Variants in RFC2 observed in about 807,000 individuals in gnomAD.
RFC2 encodes the protein A1 40 kDa subunit.
Under a neutral mutation model 44.8 loss-of-function variants are expected in RFC2, and 34 were observed. The ratio of observed to expected loss-of-function variants is 0.76; its 90% CI spans 0.58 to 1.01. The LOEUF (loss-of-function observed/expected upper bound fraction) is 1.01, where lower values mean the gene tolerates loss of function less well. RFC2 is among the 50% of genes least tolerant of loss of function. The pLI is 0.00. For synonymous variants in RFC2, 177 were observed against 168.9 expected (o/e 1.05, Z -0.37); for missense variants, 400 against 453.6 (o/e 0.88, Z 1.07).
At chr7:74,244,899 G>T (rs1803515045) in intron 5 of RFC2, among the ~76,000 whole-genome samples, 1 of 151,918 alleles carries the variant, frequency 6.6e-6, no homozygotes, top group Non-Finnish European at 1.5e-5. Context: ...GGAGTTCAAG[G>T]TTGCAGTGAG....
rs1368045992 is a variant in RFC2, at chr7:74,239,007, A to G, written c.694-19T>C. ...TCAGCGCCTGTTCAGGAGCAAACACATGTCAAGGATGATTTTTATATTTAT... is the reference window on the plus strand; with the variant it reads ...TCAGCGCCTGTTCAGGAGCAAACACGTGTCAAGGATGATTTTTATATTTAT... On this transcript the variant is annotated intron_variant, in intron 7 of 10. Coordinates refer to ENST00000055077, the MANE Select transcript of RFC2 (RefSeq NM_181471.3). The G allele has an allele frequency of 1.3e-6, 2 of 1,598,160 alleles. No individual in the cohort carries two copies. The highest frequency in any genetic ancestry group is 1.7e-6 in the Non-Finnish European group (2 of 1,165,604).
intron 6 of RFC2, 40 bp from the exon 7 acceptor site, chr7:74,240,135 G>A: frequency 6.3e-7 from 1 of 1,585,794 alleles, no homozygotes; most frequent in Non-Finnish European, 8.6e-7. Flanking sequence ...TCCCTGCAGA[G>A]GCCGGCATCA....
At chr7:74,253,071 C>T (rs1465106183) in intron 1 of RFC2, among the ~76,000 whole-genome samples, 1 of 152,184 alleles carries the variant, frequency 6.6e-6, no homozygotes, top group Non-Finnish European at 1.5e-5. Context: ...GGAGCACGGC[C>T]AGCACAGGTC....
intron 5 of RFC2, 38 bp downstream of exon 5, chr7:74,246,624 G>T (rs1245568347): frequency 7.5e-7 from 1 of 1,335,682 alleles, no homozygotes. Context: ...AAGAGATTTA[G>T]AGATCAAGGT....
chr7:74,240,950 T>C (rs782261115), intron 6 of RFC2, among the ~76,000 whole-genome samples: 5 of 151,952 alleles, frequency 3.3e-5, no homozygotes, highest in Non-Finnish European at 5.9e-5. Context: ...TTTTTTTTAC[T>C]GAGACCAAGT....
intron 1 of RFC2, among the ~76,000 whole-genome samples, chr7:74,253,364 T>G (rs782316329): frequency 1.2e-4 from 18 of 151,278 alleles, no homozygotes; most frequent in Non-Finnish European, 2.4e-4. Flanking sequence ...TGAGCCACCA[T>G]GCCAGGCAAG....
rs3135699 is a variant in RFC2 at position 74,235,433 on chromosome 7, C to T, written c.954+99G>A. The T allele has an allele frequency of 4.8e-3, 3,811 of 791,312 alleles. 87 individuals carry two copies. In the African/African-American group the frequency reaches 0.052, roughly 11 times the overall value. 49.0% of individuals were successfully genotyped at this position (791,312 alleles called of 1,614,324 possible). A position where few individuals can be genotyped will look rare whatever the true frequency, so the allele number is the denominator to read the frequency against. ...CTGACCTCAGGTGATCTGCCCACCT[C>T]GGCCTCCCAAAGTGCTGGGATTACA... On this transcript the variant is annotated intron_variant, in intron 10 of 10. Transcript: ENST00000055077.
In RFC2 at chr7:74,247,283, C is replaced by A. The variant is rs576990426; in HGVS notation, c.333-520G>T. On this transcript the variant is annotated intron_variant, in intron 4 of 10. Transcript: ENST00000055077. Reference sequence around the variant, plus strand: ...GAATTCAAAATTTTTCATTCTCTACCCACAACAGGAAAGAGAAAAAAATTG... The same window carrying A: ...GAATTCAAAATTTTTCATTCTCTACACACAACAGGAAAGAGAAAAAAATTG... Among the ~76,000 whole-genome samples the A allele has an allele frequency of 1.4e-4, 22 of 152,154 alleles. No homozygotes were observed. In the East Asian group the frequency reaches 4.3e-3, roughly 29 times the overall value.
chr7:74,244,293 G>A (rs1186973586), intron 5 of RFC2, among the ~76,000 whole-genome samples: 1 of 150,438 alleles, frequency 6.6e-6, no homozygotes, highest in Non-Finnish European at 1.5e-5. Context: ...TAAAAAGGCA[G>A]CAAACTATTA....
Position 74,240,519 on chromosome 7 carries a change from A to G in RFC2, c.536-424T>C, listed in dbSNP as rs563365815. On this transcript the variant is annotated intron_variant, in intron 6 of 10. Transcript: ENST00000055077. ...TGTGTCTCCAAAAAAAAAAAAAAAA[A>G]AAAGAGAGAGAGAGAGACTTGGTAA... Among the ~76,000 whole-genome samples the G allele has an allele frequency of 2.3e-4, 34 of 150,310 alleles. 1 individual carries two copies. In the East Asian group the frequency reaches 3.7e-3, roughly 16 times the overall value.
At chr7:74,252,332 G>C (rs1196843397) in intron 2 of RFC2, 97 bp downstream of exon 2, 43 of 674,946 alleles carry the variant, frequency 6.4e-5, no homozygotes, top group Non-Finnish European at 1.0e-4. Flanking sequence ...GCATGAACCC[G>C]GGAGGCGGAG....
chr7:74,236,984 AAAC>A, intron 9 of RFC2, among the ~76,000 whole-genome samples: 1 of 151,968 alleles, frequency 6.6e-6, no homozygotes, highest in Non-Finnish European at 1.5e-5. Context: ...ATAAATAAAT[AAAC>A]AAACACAGTG....
chr7:74,234,148 G>C (rs1554717819), intron 10 of RFC2, among the ~76,000 whole-genome samples: 2 of 152,150 alleles, frequency 1.3e-5, no homozygotes, highest in African/African-American at 4.8e-5. Flanking sequence ...ATGGATAGAA[G>C]TACCAGCGTG....
chr7:74,248,852 C>G (rs1032570814), intron 4 of RFC2, among the ~76,000 whole-genome samples, 160 bp downstream of exon 4: 4 of 152,100 alleles, frequency 2.6e-5, no homozygotes, highest in Non-Finnish European at 5.9e-5. Flanking sequence ...AATAAACCGG[C>G]AAGTTGACAA....
intron 8 of RFC2, among the ~76,000 whole-genome samples, chr7:74,237,704 C>G (rs1355058720): frequency 6.6e-6 from 1 of 152,182 alleles, no homozygotes; most frequent in Non-Finnish European, 1.5e-5. Context: ...AGGATGCTCA[C>G]TTGGGGACAG....
chr7:74,248,070 T>C (rs756722853), intron 4 of RFC2, among the ~76,000 whole-genome samples: 10 of 151,884 alleles, frequency 6.6e-5, no homozygotes, highest in Non-Finnish European at 1.0e-4. Flanking sequence ...GCTGGGATTA[T>C]AGGCATGAAC....
intron 7 of RFC2, 56 bp from the exon 8 acceptor site, chr7:74,239,044 T>TTATTTATTTCTTTTTG: frequency 6.3e-6 from 9 of 1,433,478 alleles, no homozygotes; most frequent in Non-Finnish European, 7.8e-6. Flanking sequence ...TCTTTTTGAG[T>TTATTTATTTCTTTTTG]AGAGACAGGA....
At chr7:74,237,493 G>A (rs1554718531) in intron 8 of RFC2, 51 bp from the exon 9 acceptor site, 2 of 1,291,878 alleles carry the variant, frequency 1.5e-6, no homozygotes, top group South Asian at 1.5e-5. Flanking sequence ...GACAATGTGA[G>A]CGGGGAGGCC....
At position 74,249,659 on chromosome 7, in the gene RFC2, C is replaced by T. The variant is rs1803821494; in HGVS notation, c.225+80G>A. The T allele has an allele frequency of 1.9e-5, 22 of 1,185,348 alleles. 1 individual carries two copies. The highest frequency in any genetic ancestry group is 3.6e-5 in the South Asian group (3 of 82,522). The allele number at this position is 1,185,348 out of a possible 1,614,324, so 73.4% of individuals were successfully genotyped here. ...GGGAAGGGGCTCTCCAGGGAGGCAG[C>T]GCTGTGCACAAGAAAGCAGTTCAGC... On this transcript the variant is annotated intron_variant, in intron 3 of 10. Transcript: ENST00000055077.
Sources: allele counts gnomAD v4.1 joint callset (sites outside exome capture counted in the v4.1 genomes callset), GRCh38; gene constraint gnomAD v4.1.1; transcripts MANE v1.5; gene names NCBI Gene and HGNC (gene_info 2026-07-23, HGNC 2026-07-21).